EPHX1: variants seen among roughly 807,000 people sequenced by gnomAD.
EPHX1 encodes the protein epoxide hydrolase 1, also known as epoxide hydratase.
A neutral mutation model predicts 43.2 loss-of-function variants in EPHX1; 40 were observed. The ratio of observed to expected loss-of-function variants is 0.93; its 90% confidence interval spans 0.72 to 1.21. The LOEUF is 1.21. Among genes scored for constraint, EPHX1 ranks in the 50% most tolerant of loss-of-function variants. The probability of loss-of-function intolerance (pLI) is 0.00; values close to 1 mark genes in which losing one functional copy is unlikely to be tolerated. For synonymous variants in EPHX1, 221 were observed against 226.7 expected (o/e 0.98, Z 0.22); for missense variants, 550 against 570.4 (o/e 0.96, Z 0.36).
chr1:225,830,600 C>T (rs1667525213), intron 2 of EPHX1, among the ~76,000 whole-genome samples: 1 of 152,064 alleles, frequency 6.6e-6, no homozygotes, highest in Non-Finnish European at 1.5e-5. Context: ...AAGTAGCTGG[C>T]ATTACAGGCA....
At chr1:225,826,386 C>A (rs1575997485) in intron 1 of EPHX1, among the ~76,000 whole-genome samples, 1 of 143,918 alleles carries the variant, frequency 6.9e-6, no homozygotes, top group South Asian at 2.2e-4. Context: ...ATCTCTTGAA[C>A]CCAGGGACAG....
At chr1:225,820,078 C>T (rs564282320) in intron 1 of EPHX1, among the ~76,000 whole-genome samples, 2 of 152,158 alleles carry the variant, frequency 1.3e-5, no homozygotes, top group East Asian at 3.9e-4. Flanking sequence ...CCTCACATTC[C>T]CAAGTATATT....
intron 3 of EPHX1, among the ~76,000 whole-genome samples, chr1:225,837,309 G>A (rs1668019815): frequency 6.6e-6 from 1 of 152,184 alleles, no homozygotes; most frequent in African/African-American, 2.4e-5. Context: ...CACCAGCCCT[G>A]GTGGCAGAGA....
chr1:225,840,097 C>A, intron 6 of EPHX1, 60 bp downstream of exon 6: 1 of 1,553,886 alleles, frequency 6.4e-7, no homozygotes, highest in Non-Finnish European at 8.8e-7. Flanking sequence ...GAGACACCCG[C>A]GGGGTAACCT....
intron 1 of EPHX1, among the ~76,000 whole-genome samples, chr1:225,823,380 G>A (rs1667070491): frequency 1.3e-5 from 2 of 152,258 alleles, no homozygotes; most frequent in Admixed American, 1.3e-4. Context: ...TAAAGTCAAA[G>A]GTTGTCAGAG....
chr1:225,812,327 A>G (rs913688764), intron 1 of EPHX1, among the ~76,000 whole-genome samples: 11 of 152,226 alleles, frequency 7.2e-5, no homozygotes, highest in Non-Finnish European at 1.0e-4. Flanking sequence ...GACAAGCCAC[A>G]TGCTCTCTGC....
chr1:225,823,616 G>C (rs974102075), intron 1 of EPHX1, among the ~76,000 whole-genome samples: 1 of 152,214 alleles, frequency 6.6e-6, no homozygotes, highest in Non-Finnish European at 1.5e-5. Flanking sequence ...GGTGGATGTA[G>C]GGGTGATGCA....
At chr1:225,823,540 TCGAGG>T (rs372558103) in intron 1 of EPHX1, among the ~76,000 whole-genome samples, 85 of 152,300 alleles carry the variant, frequency 5.6e-4, no homozygotes, top group African/African-American at 1.9e-3. Context: ...GGGTTTGGAC[TCGAGG>T]CTGCTGAGTT....
chr1:225,821,214 ATT>A (rs1467023113), intron 1 of EPHX1, among the ~76,000 whole-genome samples: 1 of 152,134 alleles, frequency 6.6e-6, no homozygotes, highest in East Asian at 1.9e-4. Flanking sequence ...TGTAACAAAT[ATT>A]AAGTTCCATT....
At chr1:225,831,276 C>A (rs1268573961) in intron 2 of EPHX1, among the ~76,000 whole-genome samples, 1 of 152,204 alleles carries the variant, frequency 6.6e-6, no homozygotes, top group African/African-American at 2.4e-5. Context: ...GAGCTGGGCG[C>A]AGTGGCTTAC....
At chr1:225,823,348 A>T (rs1247854763) in intron 1 of EPHX1, among the ~76,000 whole-genome samples, 1 of 152,082 alleles carries the variant, frequency 6.6e-6, no homozygotes, top group Non-Finnish European at 1.5e-5. Context: ...TCGTATTGTA[A>T]CCTCCAAGAT....
chr1:225,836,004 GA>G (rs895354942), intron 3 of EPHX1, among the ~76,000 whole-genome samples: 13 of 152,094 alleles, frequency 8.5e-5, no homozygotes, highest in African/African-American at 3.1e-4. Context: ...TTTAGAATAG[GA>G]GTAAATTTGG....
In EPHX1 at chr1:225,831,791, A is replaced by G. The variant is rs767269084; in HGVS notation, c.196A>G (p.Arg66Gly). Reference sequence around the variant, plus strand: ...AATTTTGCTCCAGGACTTACACCAGAGGATCGATAAGTTCCGTTTCACCCC... The same window carrying G: ...AATTTTGCTCCAGGACTTACACCAGGGGATCGATAAGTTCCGTTTCACCCC... ...SDEEIHDLHQ[R>G]IDKFRFTPPL... The change falls in exon 3 of 9, where the codon AGG becomes GGG. Residue 66 changes from arginine (R) to glycine (G), a missense_variant. By Grantham distance (125) the Arg-to-Gly change is moderately radical (BLOSUM62 -2). Coordinates refer to ENST00000272167, the MANE Select transcript of EPHX1 (RefSeq NM_001136018.4). The G allele has an allele frequency of 1.2e-6, 2 of 1,614,054 alleles. No homozygotes were observed. Among genetic ancestry groups the G allele is most frequent in the Middle Eastern group, 1.7e-4 (1 of 6,000 alleles).
chr1:225,845,243 T>A lies in EPHX1; in HGVS notation c.1264T>A (p.Ser422Thr), dbSNP rs1310174769. Residue 422 changes from serine (S) to threonine (T), a missense_variant, in exon 9 of 9, where the codon TCC (serine) becomes ACC (threonine). Ser to Thr is a moderately conservative substitution (Grantham distance 58). Coordinates refer to ENST00000272167, the MANE Select transcript of EPHX1 (RefSeq NM_001136018.4). Reference sequence around the variant, plus strand: ...GAGGTTCAAGTACCCAAAGCTCATCTCCTATTCCTACATGGTTCGTGGGGG... The same window carrying A: ...GAGGTTCAAGTACCCAAAGCTCATCACCTATTCCTACATGGTTCGTGGGGG... ...WVRFKYPKLI[S>T]YSYMVRGGHF... 2 of 1,614,024 alleles carry A rather than the reference T, an allele frequency of 1.2e-6. No individual in the cohort carries two copies. Among genetic ancestry groups the A allele is most frequent in the South Asian group, 2.2e-5 (2 of 91,074 alleles).
intron 3 of EPHX1, among the ~76,000 whole-genome samples, chr1:225,835,766 G>A (rs961870359): frequency 6.0e-5 from 9 of 148,858 alleles, no homozygotes; most frequent in Non-Finnish European, 1.2e-4. Flanking sequence ...CAGGCTGATC[G>A]CAAACTCCTG....
rs775238551 is a variant in EPHX1, at chr1:225,838,683, C to G, written c.394C>G (p.Pro132Ala). The G allele has an allele frequency of 6.2e-7, 1 of 1,613,460 alleles. No individual in the cohort carries two copies. The highest frequency in any genetic ancestry group is 1.3e-5 in the African/African-American group (1 of 74,878). ...GGACATCCACTTCATCCACGTGAAG[C>G]CCCCCCAGCTGCCCGCAGGCCATAC... Reference protein sequence around the residue: ...GLDIHFIHVKPPQLPAGHTPK... With the variant: ...GLDIHFIHVKAPQLPAGHTPK... The change falls in exon 4 of 9, where the codon CCC becomes GCC. Residue 132 changes from proline (P) to alanine (A), a missense_variant. Pro to Ala is a conservative substitution (Grantham distance 27, BLOSUM62 -1). Coordinates refer to ENST00000272167, the MANE Select transcript of EPHX1 (RefSeq NM_001136018.4).
At chr1:225,819,843 G>A (rs1221583621) in intron 1 of EPHX1, among the ~76,000 whole-genome samples, 3 of 152,088 alleles carry the variant, frequency 2.0e-5, no homozygotes, top group South Asian at 2.1e-4. Context: ...ATACTTAGCT[G>A]CCAGGGGGCC....
At chr1:225,811,727 C>A (rs1226015693) in intron 1 of EPHX1, among the ~76,000 whole-genome samples, 2 of 152,182 alleles carry the variant, frequency 1.3e-5, no homozygotes, top group African/African-American at 4.8e-5. Flanking sequence ...CCCACTTGGT[C>A]TGACTTAGCA....
chr1:225,844,445 T>A, intron 7 of EPHX1, 53 bp from the exon 8 acceptor site: 2 of 1,613,404 alleles, frequency 1.2e-6, no homozygotes, highest in Non-Finnish European at 1.7e-6. Context: ...CTGCCCTTTG[T>A]CACACAACTG....
Sources: allele counts gnomAD v4.1 joint callset (sites outside exome capture counted in the v4.1 genomes callset), GRCh38; gene constraint gnomAD v4.1.1; transcripts MANE v1.5; gene names NCBI Gene and HGNC (gene_info 2026-07-23, HGNC 2026-07-21).